Variants in ATP11C observed in about 807,000 individuals in gnomAD.
The protein encoded by ATP11C is phospholipid-transporting ATPase IG.
Under a neutral mutation model 97.4 loss-of-function variants are expected in ATP11C, and 36 were observed. The observed-to-expected ratio is 0.37, with a 90% CI of 0.28 to 0.49. The LOEUF (loss-of-function observed/expected upper bound fraction) is 0.49. Among genes scored for constraint, ATP11C ranks in the 20% least tolerant of loss-of-function variants. ATP11C has a pLI of 0.98. For synonymous variants in ATP11C, 275 were observed against 290.9 expected (o/e 0.95, Z 0.56); for missense variants, 730 against 824.6 (o/e 0.89, Z 1.40).
chrX:139,915,678 G>GA (rs961410848), intron 1 of ATP11C, among the ~76,000 whole-genome samples: 6 of 108,831 alleles, frequency 5.5e-5, no homozygotes, highest in African/African-American at 1.0e-4. Context: ...AAAAGAAAAA[G>GA]AAAAAAAAAT....
chrX:139,918,893 C>T (rs1018410610), intron 1 of ATP11C, among the ~76,000 whole-genome samples: 1 of 110,839 alleles, frequency 9.0e-6, no homozygotes, highest in African/African-American at 3.3e-5. Flanking sequence ...ATTTGCACTA[C>T]TCTATGCTTT....
intron 18 of ATP11C, among the ~76,000 whole-genome samples, chrX:139,781,149 G>A (rs1003533129): frequency 7.2e-5 from 8 of 111,383 alleles, no homozygotes; most frequent in African/African-American, 2.6e-4. Context: ...TCTTAAAGAC[G>A]ACAAGAGAAA....
chrX:139,853,482 A>AAG (rs771092968), intron 1 of ATP11C, among the ~76,000 whole-genome samples: 1 of 110,778 alleles, frequency 9.0e-6, no homozygotes, highest in Non-Finnish European at 1.9e-5. Context: ...GTCAAAGAGA[A>AAG]AGAGAGAGAG....
At chrX:139,911,590 A>C (rs1182478572) in intron 1 of ATP11C, among the ~76,000 whole-genome samples, 2 of 111,321 alleles carry the variant, frequency 1.8e-5, no homozygotes, top group African/African-American at 6.5e-5. Context: ...ACATTCCAAG[A>C]CCTATGATTA....
intron 23 of ATP11C, among the ~76,000 whole-genome samples, chrX:139,752,601 A>T (rs2081844689): frequency 9.0e-6 from 1 of 111,571 alleles, no homozygotes. Context: ...ACAGCAACAG[A>T]CTCCTTTCAA....
At chrX:139,917,732 G>T (rs1281434205) in intron 1 of ATP11C, among the ~76,000 whole-genome samples, 2 of 111,130 alleles carry the variant, frequency 1.8e-5, no homozygotes, top group Non-Finnish European at 3.8e-5. Flanking sequence ...AAGGCAGGGG[G>T]ATCACATAAG....
At chrX:139,873,105 C>G (rs1026009914) in intron 1 of ATP11C, among the ~76,000 whole-genome samples, 5 of 111,938 alleles carry the variant, frequency 4.5e-5, no homozygotes, top group African/African-American at 1.6e-4. Context: ...CTTCTTGTTT[C>G]AATACTGAGT....
Position 139,789,312 on chromosome X carries a change from A to G in ATP11C, c.1368+15T>C, listed in dbSNP as rs756713714. The G allele has an allele frequency of 2.5e-6, 3 of 1,176,513 alleles. No individual in the cohort carries two copies. The highest frequency in any genetic ancestry group is 1.8e-5 in the African/African-American group (1 of 57,019). On this transcript the variant is annotated intron_variant, in intron 13 of 29. Coordinates refer to ENST00000682941, the MANE Select transcript of ATP11C (RefSeq NM_001353812.2). ...ACAGATTGGTTTCTTATATAAAACA[A>G]TAATGCAAATGCACCTTATCTACTT...
At chrX:139,754,446 C>A (rs73243376) in intron 23 of ATP11C, among the ~76,000 whole-genome samples, 1 of 109,155 alleles carries the variant, frequency 9.2e-6, no homozygotes, top group Non-Finnish European at 1.9e-5. Context: ...GAAACTATTC[C>A]AAAAAAATTG....
intron 5 of ATP11C, among the ~76,000 whole-genome samples, chrX:139,808,409 G>A (rs5954617): frequency 0.024 from 2,687 of 111,221 alleles, 71 homozygotes; most frequent in African/African-American, 0.084. Flanking sequence ...GGATAACTAC[G>A]ATGAAAAAAA....
intron 1 of ATP11C, among the ~76,000 whole-genome samples, chrX:139,851,030 C>G (rs958461116): frequency 4.5e-5 from 5 of 112,028 alleles, no homozygotes; most frequent in African/African-American, 1.3e-4. Context: ...CCAAGCAACC[C>G]TTTGCTACAG....
chrX:139,795,033 CT>C (rs1231260223), intron 12 of ATP11C, among the ~76,000 whole-genome samples: 4 of 111,974 alleles, frequency 3.6e-5, no homozygotes, highest in African/African-American at 1.3e-4. Context: ...AAATTGATGC[CT>C]TTTATTGAGA....
intron 5 of ATP11C, among the ~76,000 whole-genome samples, chrX:139,813,508 G>A (rs1276749087): frequency 1.8e-5 from 2 of 111,965 alleles, no homozygotes; most frequent in Non-Finnish European, 3.8e-5. Context: ...GCCAAAACTC[G>A]GAGGCAACTA....
intron 6 of ATP11C, among the ~76,000 whole-genome samples, chrX:139,803,391 T>A (rs748264627): frequency 9.0e-6 from 1 of 110,935 alleles, no homozygotes; most frequent in East Asian, 2.8e-4. Flanking sequence ...CAACTCCAGA[T>A]GGAATAAACA....
At chrX:139,764,549 C>T (rs1294448047) in intron 20 of ATP11C, among the ~76,000 whole-genome samples, 1 of 112,040 alleles carries the variant, frequency 8.9e-6, no homozygotes, top group Non-Finnish European at 1.9e-5. Context: ...TGGAATCTAG[C>T]GGCTTAAAAA....
intron 3 of ATP11C, among the ~76,000 whole-genome samples, chrX:139,818,925 G>A (rs753512855): frequency 8.9e-6 from 1 of 112,073 alleles, no homozygotes; most frequent in South Asian, 3.7e-4. Flanking sequence ...ATGAATGAGA[G>A]AGAGCAAAAA....
At chrX:139,929,572 T>C (rs2085402183) in intron 1 of ATP11C, among the ~76,000 whole-genome samples, 1 of 111,709 alleles carries the variant, frequency 9.0e-6, no homozygotes, top group African/African-American at 3.3e-5. Flanking sequence ...TAGTTTTCAA[T>C]AACCAACAAC....
intron 1 of ATP11C, among the ~76,000 whole-genome samples, chrX:139,834,852 C>T (rs1487379690): frequency 1.3e-4 from 15 of 111,850 alleles, no homozygotes; most frequent in African/African-American, 3.6e-4. Context: ...ACAATGCATA[C>T]CCATGTAGTA....
intron 1 of ATP11C, among the ~76,000 whole-genome samples, chrX:139,860,409 C>T (rs1242314863): frequency 8.9e-6 from 1 of 111,750 alleles, no homozygotes; most frequent in African/African-American, 3.3e-5. Context: ...AAAGAATACC[C>T]TTGAAGAAAA....
Sources: gnomAD v4.1 joint callset for allele counts (sites outside exome capture counted in the v4.1 genomes callset) on GRCh38, gnomAD v4.1.1 for gene constraint, MANE v1.5 for transcripts, NCBI Gene and HGNC (gene_info 2026-07-23, HGNC 2026-07-21) for gene names.